ZNF804B: variants seen among roughly 807,000 people sequenced by gnomAD.
The protein encoded by ZNF804B is zinc finger 804B.
Under a neutral mutation model 101.4 loss-of-function variants are expected in ZNF804B, and 80 were observed. The ratio of observed to expected loss-of-function variants is 0.79; its 90% CI spans 0.66 to 0.95. The LOEUF is 0.95. Among genes scored for constraint, ZNF804B ranks in the 40% least tolerant of loss-of-function variants. ZNF804B has a pLI of 0.00. For missense variants in ZNF804B, 1,673 were observed against 1,561.9 expected (o/e 1.07, Z -1.20); for synonymous variants, 622 against 558.8 (o/e 1.11, Z -1.59).
At chr7:88,877,015 T>TA (rs1307525788) in intron 1 of ZNF804B, among the ~76,000 whole-genome samples, 2 of 77,312 alleles carry the variant, frequency 2.6e-5, no homozygotes, top group East Asian at 4.5e-4. Context: ...AAAATATATA[T>TA]ATATATATAT....
At chr7:88,896,579 T>C (rs548666939) in intron 1 of ZNF804B, among the ~76,000 whole-genome samples, 2 of 152,306 alleles carry the variant, frequency 1.3e-5, no homozygotes, top group Admixed American at 1.3e-4. Flanking sequence ...ATTTTGTATG[T>C]TGATATGCCA....
In ZNF804B at chr7:88,991,863, C is replaced by A. The variant is rs932106789; in HGVS notation, c.109-226292C>A. 2.0e-5 allele frequency among the ~76,000 whole-genome samples: 3 copies of A among 152,254 alleles called. No individual in the cohort carries two copies. In the South Asian group the frequency reaches 6.2e-4, roughly 32 times the overall value. On this transcript the variant is annotated intron_variant, in intron 1 of 3. Transcript: ENST00000333190. The stretch of plus-strand genomic sequence containing the variant: ...ATATAGCTACTACCATGAGGTCTTT[C>A]ATTCAATGGCCTGAAACATAGAGCT...
chr7:89,301,222 G>C (rs771687847), intron 2 of ZNF804B, among the ~76,000 whole-genome samples: 1 of 146,108 alleles, frequency 6.8e-6, no homozygotes, highest in East Asian at 2.0e-4. Flanking sequence ...ACAGCTTTTC[G>C]TCTTATTTTT....
chr7:89,335,266 T>G lies in ZNF804B; in HGVS notation c.2284T>G (p.Cys762Gly). 3 of 1,613,784 alleles carry G rather than the reference T, an allele frequency of 1.9e-6. No homozygotes were observed. The highest frequency in any genetic ancestry group is 2.5e-6 in the Non-Finnish European group (3 of 1,179,944). ...RHKRKCLKHNCFYLSDDITKS... is the reference protein window; with the variant it reads ...RHKRKCLKHNGFYLSDDITKS... ...CAAACGGAAATGTCTAAAGCACAAC[T>G]GCTTCTACTTGTCTGATGATATAAC... The change falls in exon 4 of 4, where the codon TGC becomes GGC. Residue 762 changes from cysteine to glycine, a missense_variant. Cys to Gly is a radical substitution (Grantham distance 159). Transcript: ENST00000333190.
intron 1 of ZNF804B, among the ~76,000 whole-genome samples, chr7:89,216,184 A>G (rs982000927): frequency 5.9e-5 from 9 of 151,982 alleles, no homozygotes; most frequent in Non-Finnish European, 1.2e-4. Flanking sequence ...GCGCGCGCCT[A>G]TAATCCCAGC....
At chr7:88,918,204 G>T (rs576138515) in intron 1 of ZNF804B, among the ~76,000 whole-genome samples, 1 of 152,098 alleles carries the variant, frequency 6.6e-6, no homozygotes, top group Admixed American at 6.6e-5. Flanking sequence ...CTTAGATCTA[G>T]TATTCATGGT....
chr7:88,822,178 G>A (rs1790992240), intron 1 of ZNF804B, among the ~76,000 whole-genome samples: 1 of 152,112 alleles, frequency 6.6e-6, no homozygotes, highest in Non-Finnish European at 1.5e-5. Flanking sequence ...AACTATATAG[G>A]AAAGATCTTT....
chr7:89,298,599 A>G (rs867772272), intron 2 of ZNF804B, among the ~76,000 whole-genome samples: 1 of 151,978 alleles, frequency 6.6e-6, no homozygotes, highest in African/African-American at 2.4e-5. Context: ...ACCTTGTATT[A>G]CAAAGCAATA....
intron 1 of ZNF804B, among the ~76,000 whole-genome samples, chr7:89,062,966 G>C (rs1434279615): frequency 6.6e-6 from 1 of 152,024 alleles, no homozygotes; most frequent in Non-Finnish European, 1.5e-5. Context: ...GCCCTTATTA[G>C]CTTTTGACCT....
At position 89,094,322 on chromosome 7, in the gene ZNF804B, CTGTA is replaced by C. The variant is rs564511312; in HGVS notation, c.109-123829_109-123826del. 1.5e-4 allele frequency among the ~76,000 whole-genome samples: 23 copies of C among 152,214 alleles called. No individual in the cohort carries two copies. In the East Asian group the frequency reaches 4.2e-3, roughly 28 times the overall value. On this transcript the variant is annotated intron_variant, in intron 1 of 3. Coordinates refer to ENST00000333190, the MANE Select transcript of ZNF804B (RefSeq NM_181646.5). ...TTGTTTTCAAATGTTTATTTAACCT[CTGTA>C]TGTGTGTGTGTATATATACATTTAC...
chr7:89,107,578 G>A (rs748995863), intron 1 of ZNF804B, among the ~76,000 whole-genome samples: 19 of 152,028 alleles, frequency 1.2e-4, no homozygotes, highest in Non-Finnish European at 2.6e-4. Context: ...ACTCATTAGC[G>A]GATACATGTG....
At chr7:89,304,666 A>G (rs1379348472) in intron 2 of ZNF804B, among the ~76,000 whole-genome samples, 1 of 151,914 alleles carries the variant, frequency 6.6e-6, no homozygotes, top group Non-Finnish European at 1.5e-5. Flanking sequence ...GATTACAATG[A>G]TTGTATTTTA....
intron 1 of ZNF804B, among the ~76,000 whole-genome samples, chr7:88,985,966 T>C (rs1562851626): frequency 6.6e-6 from 1 of 152,136 alleles, no homozygotes; most frequent in Non-Finnish European, 1.5e-5. Flanking sequence ...TTCAAAATGA[T>C]TCGTCACATG....
chr7:89,246,120 A>G (rs577807237), intron 2 of ZNF804B, among the ~76,000 whole-genome samples: 7 of 152,178 alleles, frequency 4.6e-5, no homozygotes, highest in Non-Finnish European at 1.0e-4. Context: ...GTCTTGGGGC[A>G]GAGATAGAAG....
At chr7:88,890,525 T>G (rs2115928852) in intron 1 of ZNF804B, among the ~76,000 whole-genome samples, 1 of 152,314 alleles carries the variant, frequency 6.6e-6, no homozygotes, top group African/African-American at 2.4e-5. Flanking sequence ...CTCCACATTT[T>G]TACCAGTAAT....
intron 1 of ZNF804B, among the ~76,000 whole-genome samples, chr7:88,859,839 A>T (rs1023379391): frequency 6.6e-6 from 1 of 151,948 alleles, no homozygotes; most frequent in South Asian, 2.1e-4. Flanking sequence ...AAACAACTTA[A>T]AAATGTGCTT....
intron 1 of ZNF804B, among the ~76,000 whole-genome samples, chr7:89,087,289 C>G (rs1789819341): frequency 6.6e-6 from 1 of 151,534 alleles, no homozygotes; most frequent in South Asian, 2.1e-4. Flanking sequence ...TGTAGCTGCC[C>G]AAAATGGTTG....
At chr7:88,969,398 C>A (rs61680134) in intron 1 of ZNF804B, among the ~76,000 whole-genome samples, 4,016 of 151,678 alleles carry the variant, frequency 0.026, 192 homozygotes, top group African/African-American at 0.092. Context: ...GGGTAAAATA[C>A]ATCAATTCCA....
intron 1 of ZNF804B, among the ~76,000 whole-genome samples, chr7:89,132,321 A>G (rs1182452738): frequency 1.3e-5 from 2 of 151,970 alleles, no homozygotes; most frequent in African/African-American, 4.8e-5. Context: ...AAAACAAAAC[A>G]AAACAAAACA....
Sources: gnomAD v4.1 joint callset for allele counts (sites outside exome capture counted in the v4.1 genomes callset) on GRCh38, gnomAD v4.1.1 for gene constraint, MANE v1.5 for transcripts, NCBI Gene and HGNC (gene_info 2026-07-23, HGNC 2026-07-21) for gene names.